Variants in DLC1 observed in about 807,000 individuals in gnomAD.
DLC1 encodes rho GTPase-activating protein 7.
DLC1 carries 54 observed loss-of-function variants against 140.3 expected under a neutral mutation model. The ratio of observed to expected loss-of-function variants is 0.38; its 90% CI spans 0.31 to 0.48. DLC1 has a LOEUF of 0.48. DLC1 is among the 20% of genes least tolerant of loss of function. DLC1 has a pLI of 0.96. For synonymous variants in DLC1, 986 were observed against 728.1 expected, an observed-to-expected ratio of 1.35 and a Z score of -5.70; for missense variants, 2,536 against 1,907.0, an observed-to-expected ratio of 1.33 and a Z score of -6.14.
chr8:13,456,949 C>G (rs1311223423), intron 2 of DLC1, among the ~76,000 whole-genome samples: 1 of 152,020 alleles, frequency 6.6e-6, no homozygotes, highest in Non-Finnish European at 1.5e-5. Flanking sequence ...CAAATGGTGC[C>G]CTCTTATTTT....
upstream of DLC1, among the ~76,000 whole-genome samples, chr8:13,519,583 T>C (rs1314076538): frequency 6.6e-6 from 1 of 152,162 alleles, no homozygotes; most frequent in Non-Finnish European, 1.5e-5. Context: ...AACCATATAG[T>C]ATTTACCTGA....
intron 4 of DLC1, chr8:13,342,089 C>G (rs1834085172): frequency 6.6e-6 from 1 of 152,150 alleles, no homozygotes; most frequent in African/African-American, 2.4e-5. Context: ...AATTCCAAAA[C>G]AAAAACTATT....
chr8:13,290,931 G>T (rs1831731788), intron 5 of DLC1, among the ~76,000 whole-genome samples: 1 of 152,092 alleles, frequency 6.6e-6, no homozygotes, highest in Admixed American at 6.6e-5. Flanking sequence ...TCTTTGAGAT[G>T]GAGTTTCATT....
At chr8:13,337,112 T>C (rs1451153578) in intron 4 of DLC1, among the ~76,000 whole-genome samples, 3 of 152,140 alleles carry the variant, frequency 2.0e-5, no homozygotes, top group Non-Finnish European at 4.4e-5. Flanking sequence ...GCCTTTAGCA[T>C]AGACGTAAAT....
intron 2 of DLC1, among the ~76,000 whole-genome samples, chr8:13,465,946 A>T (rs748882758): frequency 3.3e-5 from 5 of 152,076 alleles, no homozygotes; most frequent in Non-Finnish European, 7.4e-5. Context: ...CCATTTCCTC[A>T]AGGTGATCAA....
intron 4 of DLC1, among the ~76,000 whole-genome samples, chr8:13,325,834 C>G (rs1833320972): frequency 6.6e-6 from 1 of 152,084 alleles, no homozygotes; most frequent in African/African-American, 2.4e-5. Flanking sequence ...AAGAAAATAG[C>G]TTTTAATCAG....
intron 5 of DLC1, among the ~76,000 whole-genome samples, chr8:13,145,315 A>C (rs6981656): frequency 0.19 from 28,911 of 152,170 alleles, 3,023 homozygotes; most frequent in African/African-American, 0.25. Flanking sequence ...AAAAGAACAT[A>C]AATAAAATTA....
chr8:13,268,720 C>T (rs574653881), intron 5 of DLC1, among the ~76,000 whole-genome samples: 4 of 151,834 alleles, frequency 2.6e-5, no homozygotes, highest in Non-Finnish European at 4.4e-5. Context: ...TCTATGGGGG[C>T]ATCCAGAAAT....
chr8:13,105,133 G>A (rs987087998), intron 7 of DLC1, among the ~76,000 whole-genome samples: 2 of 152,148 alleles, frequency 1.3e-5, no homozygotes, highest in Non-Finnish European at 2.9e-5. Context: ...GAGGGGTTTA[G>A]CCTCACAAAC....
chr8:13,472,102 G>A (rs1303588905), intron 2 of DLC1, among the ~76,000 whole-genome samples: 2 of 152,176 alleles, frequency 1.3e-5, no homozygotes, highest in Non-Finnish European at 2.9e-5. Context: ...TGCTACATGA[G>A]GCAGTTCCTG....
At chr8:13,327,616 C>T (rs1833423143) in intron 4 of DLC1, among the ~76,000 whole-genome samples, 1 of 152,164 alleles carries the variant, frequency 6.6e-6, no homozygotes, top group Middle Eastern at 3.4e-3. Context: ...CTGTCCCCAG[C>T]TGAAACCTAT....
At chr8:13,195,188 C>T (rs1187063837) in intron 5 of DLC1, among the ~76,000 whole-genome samples, 1 of 152,216 alleles carries the variant, frequency 6.6e-6, no homozygotes, top group East Asian at 1.9e-4. Context: ...GCTAGAATCT[C>T]AAAGCCTTTG....
chr8:13,565,675 C>G (rs1804403522), intron 1 of DLC1, among the ~76,000 whole-genome samples: 1 of 152,070 alleles, frequency 6.6e-6, no homozygotes, highest in South Asian at 2.1e-4. Flanking sequence ...TAATACCCCC[C>G]AATCCCCAAG....
At chr8:13,442,765 A>G (rs1421591696) in intron 2 of DLC1, among the ~76,000 whole-genome samples, 1 of 152,202 alleles carries the variant, frequency 6.6e-6, no homozygotes, top group Non-Finnish European at 1.5e-5. Flanking sequence ...GGGACTGTAA[A>G]CTAGTTCAAC....
intron 2 of DLC1, among the ~76,000 whole-genome samples, chr8:13,484,236 G>A (rs1800867310): frequency 6.6e-6 from 1 of 152,172 alleles, no homozygotes; most frequent in African/African-American, 2.4e-5. Flanking sequence ...AAATGGATAT[G>A]AGAGATCATG....
chr8:13,395,038 T>TATCTATCTATCTATC (rs1836966500), intron 3 of DLC1, among the ~76,000 whole-genome samples: 7 of 150,912 alleles, frequency 4.6e-5, no homozygotes, highest in South Asian at 2.1e-4. Context: ...ATCTATCATC[T>TATCTATCTATCTATC]ATCTATCTAT....
intron 2 of DLC1, among the ~76,000 whole-genome samples, chr8:13,433,212 G>C (rs1448890216): frequency 6.6e-6 from 1 of 152,002 alleles, no homozygotes; most frequent in African/African-American, 2.4e-5. Context: ...GGAGAGGACA[G>C]GGACTTGAAG....
chr8:13,248,561 G>A (rs544124211), intron 5 of DLC1, among the ~76,000 whole-genome samples: 3 of 152,250 alleles, frequency 2.0e-5, no homozygotes, highest in Admixed American at 6.5e-5. Flanking sequence ...AACCTTGGCA[G>A]CCTCACCGTG....
chr8:13,236,193 T>C lies in DLC1; in HGVS notation c.1348+69076A>G, dbSNP rs534517416. 3.3e-5 allele frequency among the ~76,000 whole-genome samples: 5 copies of C among 152,232 alleles called. No homozygotes were observed. In the East Asian group the frequency reaches 9.6e-4, roughly 29 times the overall value. On this transcript the variant is annotated intron_variant, in intron 5 of 17. Transcript: ENST00000276297. ...TATAAAATTTTGTAAGATCAAGGAATGTATAAAACTTTCTTTGGATATACT... is the reference window on the plus strand; with the variant it reads ...TATAAAATTTTGTAAGATCAAGGAACGTATAAAACTTTCTTTGGATATACT...
Sources: allele counts gnomAD v4.1 joint callset (sites outside exome capture counted in the v4.1 genomes callset), GRCh38; gene constraint gnomAD v4.1.1; transcripts MANE v1.5; gene names NCBI Gene and HGNC (gene_info 2026-07-23, HGNC 2026-07-21).